Variants in KDM2B observed in about 807,000 individuals in gnomAD.
The protein encoded by KDM2B is lysine-specific demethylase 2B.
In KDM2B, 26 loss-of-function variants were observed where a neutral mutation model predicts 150.0. The ratio of observed to expected loss-of-function variants is 0.17; its 90% CI spans 0.13 to 0.24. KDM2B has a LOEUF of 0.24. KDM2B is among the 10% of genes least tolerant of loss of function. The pLI is 1.00. For missense variants in KDM2B, 1,265 were observed against 1,816.9 expected, an observed-to-expected ratio of 0.70 and a Z score of 5.52; for synonymous variants, 734 against 729.5, an observed-to-expected ratio of 1.01 and a Z score of -0.10.
Position 121,467,384 on chromosome 12 carries a change from GGGCGGGGAGGGGCC to G in KDM2B, c.1735-14054_1735-14041del. On this transcript the variant is annotated intron_variant, in intron 12 of 22. Transcript: ENST00000377071. This position sits in a 1 kb window ranked among gnomAD's most constrained non-coding sequence, Gnocchi z 5.1. ...GCGCCTCGCACGCCCGCGCTGGAGG[GGGCGGGGAGGGGCC>G]GGCGGGGGAGGGCCGGGGCGCCATG... 2 of 976,350 alleles carry G rather than the reference GGGCGGGGAGGGGCC, an allele frequency of 2.0e-6. No individual in the cohort carries two copies. Among genetic ancestry groups the G allele is most frequent in the Non-Finnish European group, 2.4e-6 (2 of 823,886 alleles). The allele number at this position is 976,350 out of a possible 1,614,324, so 60.5% of individuals were successfully genotyped here. A position where few individuals can be genotyped will look rare whatever the true frequency, so the allele number is the denominator to read the frequency against.
intron 2 of KDM2B, 142 bp from the exon 3 acceptor site, chr12:121,576,001 C>T: frequency 1.5e-6 from 1 of 646,712 alleles, no homozygotes; most frequent in Admixed American, 2.6e-5. Flanking sequence ...ACAGCAAAAG[C>T]TCCTTGGAAA....
chr12:121,507,670 G>A (rs542536892), intron 11 of KDM2B, among the ~76,000 whole-genome samples: 8 of 152,264 alleles, frequency 5.3e-5, no homozygotes, highest in Non-Finnish European at 8.8e-5. Flanking sequence ...CAGAACCAGC[G>A]ACACCACACA....
chr12:121,478,325 C>A (rs117345493), intron 12 of KDM2B, among the ~76,000 whole-genome samples: 1 of 151,078 alleles, frequency 6.6e-6, no homozygotes, highest in South Asian at 2.1e-4. Flanking sequence ...TTTTGATCCT[C>A]GCCCTCTCCT....
chr12:121,559,746 A>C (rs1364155632), intron 4 of KDM2B, among the ~76,000 whole-genome samples: 1 of 151,984 alleles, frequency 6.6e-6, no homozygotes, highest in Non-Finnish European at 1.5e-5. Flanking sequence ...ACTAAAAAAA[A>C]CACAAAATTA....
chr12:121,521,202 G>C lies in KDM2B; in HGVS notation c.932-102C>G, dbSNP rs1191338106. 1 of 782,328 alleles carries C rather than the reference G, an allele frequency of 1.3e-6. No individual in the cohort carries two copies. The highest frequency in any genetic ancestry group is 2.1e-5 in the Admixed American group (1 of 46,618). 48.5% of individuals were successfully genotyped at this position (782,328 alleles called of 1,614,324 possible). A position where few individuals can be genotyped will look rare whatever the true frequency, so the allele number is the denominator to read the frequency against. On this transcript the variant is annotated intron_variant, in intron 8 of 22. Coordinates refer to ENST00000377071, the MANE Select transcript of KDM2B (RefSeq NM_032590.5). This position sits in a 1 kb window ranked among gnomAD's most constrained non-coding sequence, Gnocchi z 4.9. ...GAGAGCGAGCGTGCAGGAGGGTGCA[G>C]GGAGTGGAGAAGAGCAGCCAGGGCC... is the stretch of plus-strand genomic sequence containing the variant.
Position 121,509,874 on chromosome 12 carries a change from G to C in KDM2B, c.1340C>G (p.Thr447Ser). 6.2e-7 allele frequency: 1 copy of C among 1,613,818 alleles called. No homozygotes were observed. The highest frequency in any genetic ancestry group is 8.5e-7 in the Non-Finnish European group (1 of 1,179,970). Residue 447 changes from threonine (T) to serine (S), a missense_variant, in exon 11 of 23, where the codon ACC becomes AGC. Physicochemically the swap from Thr to Ser is moderately conservative, Grantham distance 58. Around this residue, in one of 11 missense-constraint regions of KDM2B, gnomAD observed 154 missense variants for 162.5 expected, o/e 0.95. Coordinates refer to ENST00000377071, the MANE Select transcript of KDM2B (RefSeq NM_032590.5). The part of the protein sequence containing the change: ...KPPTDGSTSP[T>S]STPSEDQEAL... Reference sequence around the variant, plus strand: ...CTCCTGGTCCTCAGAGGGCGTGCTGGTGGGTGAAGTGGAGCCATCGGTGGG... The same window carrying C: ...CTCCTGGTCCTCAGAGGGCGTGCTGCTGGGTGAAGTGGAGCCATCGGTGGG...
chr12:121,450,929 G>A (rs930290800), intron 13 of KDM2B, among the ~76,000 whole-genome samples: 20 of 151,836 alleles, frequency 1.3e-4, no homozygotes, highest in East Asian at 1.9e-4. Context: ...GGATGGCCGC[G>A]GTGGCCAACA....
At chr12:121,510,068 G>A (rs376937711) in intron 10 of KDM2B, 29 bp from the exon 11 acceptor site, 32 of 1,509,916 alleles carry the variant, frequency 2.1e-5, no homozygotes, top group Admixed American at 4.4e-5. Context: ...AAGAAAGACC[G>A]AGATGACACC....
chr12:121,503,145 T>C, intron 11 of KDM2B, among the ~76,000 whole-genome samples: 1 of 151,900 alleles, frequency 6.6e-6, no homozygotes, highest in Non-Finnish European at 1.5e-5. Flanking sequence ...GCCCAACTAA[T>C]CTTTGTATTT....
intron 13 of KDM2B, among the ~76,000 whole-genome samples, chr12:121,447,545 TC>T (rs1876482279): frequency 6.6e-6 from 1 of 151,510 alleles, no homozygotes. Flanking sequence ...ACCCGGCAAT[TC>T]CAAGTCCTTT....
intron 1 of KDM2B, chr12:121,580,407 C>G (rs1205501657): frequency 7.8e-6 from 9 of 1,151,056 alleles, no homozygotes; most frequent in Non-Finnish European, 9.6e-6. Flanking sequence ...GGGGAGGGAG[C>G]CCGGGAGGCA....
At chr12:121,527,560 A>G (rs1887257541) in intron 8 of KDM2B, among the ~76,000 whole-genome samples, 3 of 148,478 alleles carry the variant, frequency 2.0e-5, no homozygotes, top group Admixed American at 6.7e-5. Flanking sequence ...AGGCTGAAAC[A>G]GGAGAATGGC....
At chr12:121,470,472 G>A (rs1006572889) in intron 12 of KDM2B, 2 of 152,322 alleles carry the variant, frequency 1.3e-5, no homozygotes, top group East Asian at 1.9e-4. Flanking sequence ...ATACCATCCA[G>A]AGAAAGACCT....
At chr12:121,579,557 G>A in intron 1 of KDM2B, 3 of 1,288,052 alleles carry the variant, frequency 2.3e-6, no homozygotes, top group South Asian at 1.2e-5. Flanking sequence ...GGGCTTGGAA[G>A]GGGGAGAGGC....
At chr12:121,478,866 T>TTGTTTGTG (rs61509046) in intron 12 of KDM2B, among the ~76,000 whole-genome samples, 7 of 131,214 alleles carry the variant, frequency 5.3e-5, no homozygotes, top group African/African-American at 2.0e-4. Flanking sequence ...TTTTGTTTGT[T>TTGTTTGTG]TGTGTGTGTG....
intron 4 of KDM2B, among the ~76,000 whole-genome samples, chr12:121,572,492 C>T (rs1555316127): frequency 6.6e-6 from 1 of 152,174 alleles, no homozygotes; most frequent in Admixed American, 6.5e-5. Context: ...AATGTCTTTT[C>T]CCACAGCTGA....
chr12:121,481,763 T>TTTTGTTTG (rs59507585), intron 12 of KDM2B, among the ~76,000 whole-genome samples: 3,282 of 148,782 alleles, frequency 0.022, 94 homozygotes, highest in East Asian at 0.085. Flanking sequence ...TTAGGGTTTT[T>TTTTGTTTG]TTTGTTTGTT....
chr12:121,481,066 T>A (rs1555297788), intron 12 of KDM2B, among the ~76,000 whole-genome samples: 1 of 151,956 alleles, frequency 6.6e-6, no homozygotes, highest in South Asian at 2.1e-4. Flanking sequence ...TAGCTGGGAC[T>A]ACAGATGCAC....
At chr12:121,500,558 A>G (rs1447712150) in intron 11 of KDM2B, among the ~76,000 whole-genome samples, 2 of 152,222 alleles carry the variant, frequency 1.3e-5, no homozygotes, top group African/African-American at 2.4e-5. Context: ...CCATGCCATG[A>G]CTAAAAATAT....
Sources: gnomAD v4.1 joint callset for allele counts (sites outside exome capture counted in the v4.1 genomes callset) on GRCh38, gnomAD v4.1.1 for gene constraint, gnomAD v4.1.1 regional missense constraint, Gnocchi (gnomAD v3.1) non-coding constraint, MANE v1.5 for transcripts, NCBI Gene and HGNC (gene_info 2026-07-23, HGNC 2026-07-21) for gene names.